SNTG2: variants seen among roughly 807,000 people sequenced by gnomAD.
The protein encoded by SNTG2 is syntrophin gamma 2, also known as gamma-2-syntrophin.
Under a neutral mutation model 70.9 loss-of-function variants are expected in SNTG2, and 74 were observed. The observed-to-expected ratio is 1.04, with a 90% CI of 0.86 to 1.27. The LOEUF is 1.27. Among genes scored for constraint, SNTG2 ranks in the 50% most tolerant of loss-of-function variants. The pLI is 0.00. For synonymous variants in SNTG2, 278 were observed against 273.8 expected (o/e 1.02, Z -0.15); for missense variants, 717 against 690.7 (o/e 1.04, Z -0.43).
At chr2:1,334,172 G>A (rs1310833176) in intron 16 of SNTG2, among the ~76,000 whole-genome samples, 1 of 152,018 alleles carries the variant, frequency 6.6e-6, no homozygotes, top group Non-Finnish European at 1.5e-5. Context: ...TATACAAATG[G>A]CCAACAAACA....
rs150998687 is a variant in SNTG2, at chr2:1,003,012, T to C, written c.72+51944T>C. ...AACTCAGAAACAGCCAAATCCTGCA[T>C]GTCCCTGCATGTTTCCACTTCCAAG... On this transcript the variant is annotated intron_variant, in intron 1 of 16. Coordinates refer to ENST00000308624, the MANE Select transcript of SNTG2 (RefSeq NM_018968.4). Among the ~76,000 whole-genome samples, 868 of 152,242 alleles carry C rather than the reference T, an allele frequency of 5.7e-3. 9 individuals carry two copies. Among genetic ancestry groups the C allele is most frequent in the African/African-American group, 0.02 (821 of 41,544 alleles).
At chr2:982,850 T>C (rs545206671) in intron 1 of SNTG2, among the ~76,000 whole-genome samples, 1 of 152,228 alleles carries the variant, frequency 6.6e-6, no homozygotes, top group African/African-American at 2.4e-5. Flanking sequence ...GTGCAGAGAC[T>C]GTGCCTGGAG....
At chr2:958,591 A>C (rs893381614) in intron 1 of SNTG2, among the ~76,000 whole-genome samples, 4 of 152,226 alleles carry the variant, frequency 2.6e-5, no homozygotes, top group African/African-American at 9.6e-5. Flanking sequence ...AAAAAAAGAA[A>C]ACCTCTAAAG....
chr2:1,066,413 G>T (rs1381526837), intron 1 of SNTG2, among the ~76,000 whole-genome samples: 1 of 151,944 alleles, frequency 6.6e-6, no homozygotes, highest in African/African-American at 2.4e-5. Context: ...ATCAATGCTG[G>T]CTGCAGGCGT....
At chr2:1,050,913 T>C (rs2148077800) in intron 1 of SNTG2, among the ~76,000 whole-genome samples, 1 of 152,354 alleles carries the variant, frequency 6.6e-6, no homozygotes, top group Admixed American at 6.5e-5. Context: ...TTTCTAGATA[T>C]GTTTAATGCT....
chr2:1,201,136 G>T (rs867029847), intron 8 of SNTG2, among the ~76,000 whole-genome samples: 1 of 151,978 alleles, frequency 6.6e-6, no homozygotes, highest in African/African-American at 2.4e-5. Context: ...GTAAGATGTG[G>T]TGTTAACCTA....
chr2:1,356,299 T>C (rs145958907), intron 16 of SNTG2, among the ~76,000 whole-genome samples: 1 of 152,258 alleles, frequency 6.6e-6, no homozygotes, highest in South Asian at 2.1e-4. Context: ...TGTTTTCTTC[T>C]AGAAATTTTA....
intron 1 of SNTG2, among the ~76,000 whole-genome samples, chr2:1,029,751 C>G (rs1161240679): frequency 6.6e-6 from 1 of 152,192 alleles, no homozygotes; most frequent in Admixed American, 6.5e-5. Context: ...TAAGTCAGCC[C>G]TGACTCTTCT....
At chr2:987,748 T>C (rs926271373) in intron 1 of SNTG2, among the ~76,000 whole-genome samples, 1 of 152,090 alleles carries the variant, frequency 6.6e-6, no homozygotes, top group Non-Finnish European at 1.5e-5. Flanking sequence ...GAGAGAGGCC[T>C]GGAGGACAGG....
At chr2:1,302,119 A>G (rs146826420) in intron 14 of SNTG2, among the ~76,000 whole-genome samples, 234 of 152,010 alleles carry the variant, frequency 1.5e-3, no homozygotes, top group African/African-American at 5.2e-3. Context: ...GTGCCACCAC[A>G]CCTGGCTAAT....
Position 1,255,651 on chromosome 2 carries a change from A to G in SNTG2, c.1006-3719A>G, listed in dbSNP as rs993373448. Among the ~76,000 whole-genome samples, 5 of 151,688 alleles carry G rather than the reference A, an allele frequency of 3.3e-5. No homozygotes were observed. The East Asian group carries it at 5.8e-4, about 18-fold the overall frequency. ...GCATCGGCAGGTGACGCCTGGCCAC[A>G]CTCAGGCATGGCACAAACACACTAG... On this transcript the variant is annotated intron_variant, in intron 12 of 16. Transcript: ENST00000308624.
intron 9 of SNTG2, among the ~76,000 whole-genome samples, chr2:1,234,839 G>A (rs953033418): frequency 2.0e-5 from 3 of 152,170 alleles, no homozygotes; most frequent in African/African-American, 7.2e-5. Context: ...ACCTCCAAAG[G>A]CAGAGTTAGG....
At chr2:1,218,145 G>T (rs1352277331) in intron 9 of SNTG2, among the ~76,000 whole-genome samples, 1 of 152,042 alleles carries the variant, frequency 6.6e-6, no homozygotes, top group Non-Finnish European at 1.5e-5. Context: ...CCAGCAGCAG[G>T]TAACAGGTAA....
intron 6 of SNTG2, among the ~76,000 whole-genome samples, chr2:1,155,824 G>T (rs932433294): frequency 6.6e-6 from 1 of 152,176 alleles, no homozygotes; most frequent in African/African-American, 2.4e-5. Flanking sequence ...GTGCAGGCAC[G>T]TGTGGACTTA....
intron 1 of SNTG2, among the ~76,000 whole-genome samples, chr2:954,917 C>T (rs1343803542): frequency 6.6e-6 from 1 of 152,152 alleles, no homozygotes; most frequent in Non-Finnish European, 1.5e-5. Flanking sequence ...AAATAGTTTG[C>T]TTTTTAAGGA....
intron 1 of SNTG2, among the ~76,000 whole-genome samples, chr2:1,018,951 T>A (rs765822040): frequency 6.6e-6 from 1 of 152,126 alleles, no homozygotes; most frequent in Non-Finnish European, 1.5e-5. Flanking sequence ...ATTGTCCTCC[T>A]CCTGTCCTGA....
chr2:1,196,517 A>G (rs1175841941), intron 8 of SNTG2, among the ~76,000 whole-genome samples: 1 of 152,186 alleles, frequency 6.6e-6, no homozygotes, highest in Non-Finnish European at 1.5e-5. Context: ...CTAGATATAG[A>G]AAGCTTAACA....
At chr2:983,470 C>T (rs975346162) in intron 1 of SNTG2, among the ~76,000 whole-genome samples, 1 of 152,196 alleles carries the variant, frequency 6.6e-6, no homozygotes, top group African/African-American at 2.4e-5. Flanking sequence ...TGCCTCCCAC[C>T]CTTCCTGCCC....
intron 6 of SNTG2, among the ~76,000 whole-genome samples, chr2:1,141,591 A>G (rs1206852463): frequency 6.6e-6 from 1 of 152,178 alleles, no homozygotes; most frequent in Non-Finnish European, 1.5e-5. Flanking sequence ...GAGGCAATCG[A>G]AAGAAATGGA....
Sources: allele counts gnomAD v4.1 joint callset (sites outside exome capture counted in the v4.1 genomes callset), GRCh38; gene constraint gnomAD v4.1.1; transcripts MANE v1.5; gene names NCBI Gene and HGNC (gene_info 2026-07-23, HGNC 2026-07-21).